Variants in ZFHX3 observed in about 807,000 individuals in gnomAD.
ZFHX3 encodes the protein zinc finger homeobox protein 3.
ZFHX3 carries 42 observed loss-of-function variants against 279.1 expected under a neutral mutation model. The observed-to-expected ratio is 0.15, with a 90% CI of 0.12 to 0.19. The LOEUF (loss-of-function observed/expected upper bound fraction) is 0.19, where lower values mean the gene tolerates loss of function less well. Among genes scored for constraint, ZFHX3 ranks in the 10% least tolerant of loss-of-function variants. The pLI, the probability that ZFHX3 is intolerant of heterozygous loss-of-function variation, is 1.00. For synonymous variants in ZFHX3, 2,293 were observed against 1,957.8 expected (o/e 1.17, Z -4.52); for missense variants, 4,981 against 4,754.0 (o/e 1.05, Z -1.40).
chr16:73,324,276 G>C (rs983668969), intron 3 of ZFHX3, among the ~76,000 whole-genome samples: 2 of 152,162 alleles, frequency 1.3e-5, no homozygotes, highest in Non-Finnish European at 2.9e-5. Context: ...GAGGTGAAGA[G>C]GCTTGGCTCA....
In ZFHX3 at chr16:72,787,526, C is replaced by A. The variant is rs769841511; in HGVS notation, c.10750G>T (p.Ala3584Ser). Reference sequence around the variant, plus strand: ...TGAGCGGCAGACTGCGAGGTAGATGCGGTGCTAGGATCGGGGAAGCAGGCA... The same window carrying A: ...TGAGCGGCAGACTGCGAGGTAGATGAGGTGCTAGGATCGGGGAAGCAGGCA... ...HSACFPDPSTASTSQSAAHSN... is the reference protein window; with the variant it reads ...HSACFPDPSTSSTSQSAAHSN... The change falls in exon 10 of 10, where the codon GCA becomes TCA. Residue 3584 changes from alanine to serine, a missense_variant. By Grantham distance (99) the Ala-to-Ser change is moderately conservative (BLOSUM62 1). This residue lies in a region of ZFHX3 where 1,034 missense variants were observed against 786.0 expected (regional missense o/e 1.32). Coordinates refer to ENST00000268489, the MANE Select transcript of ZFHX3 (RefSeq NM_006885.4). The A allele has an allele frequency of 8.1e-6, 13 of 1,613,774 alleles. No homozygotes were observed. Among genetic ancestry groups the A allele is most frequent in the Non-Finnish European group, 1.0e-5 (12 of 1,179,954 alleles).
intron 5 of ZFHX3, among the ~76,000 whole-genome samples, chr16:73,166,195 A>G (rs927820481): frequency 1.3e-5 from 2 of 152,146 alleles, no homozygotes; most frequent in African/African-American, 4.8e-5. Context: ...TGAGCCACCT[A>G]TTATAAAATA....
Position 72,943,022 on chromosome 16 carries a change from G to A in ZFHX3, c.3216+7447C>T, listed in dbSNP as rs112841632. ...CCAGTGTCTCCGAAGACAGTATTCC[G>A]TAAATATGTTCTGATTTACCTAAAT... On this transcript the variant is annotated intron_variant, in intron 3 of 9. Coordinates refer to ENST00000268489, the MANE Select transcript of ZFHX3 (RefSeq NM_006885.4). 3.7e-3 allele frequency among the ~76,000 whole-genome samples: 565 copies of A among 152,236 alleles called. 2 individuals carry two copies. The highest frequency in any genetic ancestry group is 0.027 in the Middle Eastern group (8 of 292).
At chr16:73,873,681 A>G (rs756090805) in intron 1 of ZFHX3, among the ~76,000 whole-genome samples, 2 of 152,250 alleles carry the variant, frequency 1.3e-5, no homozygotes, top group African/African-American at 2.4e-5. Flanking sequence ...AGTTAAATAT[A>G]CATGGAAATT....
At chr16:72,928,391 T>C (rs1157428382) in intron 3 of ZFHX3, among the ~76,000 whole-genome samples, 1 of 151,944 alleles carries the variant, frequency 6.6e-6, no homozygotes, top group Non-Finnish European at 1.5e-5. Flanking sequence ...TGTCCATGCA[T>C]CCAGGACTGG....
chr16:73,845,421 C>T (rs1247262780), intron 1 of ZFHX3, among the ~76,000 whole-genome samples: 2 of 152,112 alleles, frequency 1.3e-5, no homozygotes, highest in South Asian at 2.1e-4. Context: ...AGACCAGCCC[C>T]GTGCACTTAG....
chr16:72,884,330 A>T (rs1351709344), intron 4 of ZFHX3, among the ~76,000 whole-genome samples: 1 of 152,204 alleles, frequency 6.6e-6, no homozygotes, highest in Admixed American at 6.5e-5. Context: ...AAGGGAGGAT[A>T]CTGCTTTTTG....
intron 2 of ZFHX3, among the ~76,000 whole-genome samples, chr16:73,473,339 C>CAAAAAAA (rs11347779): frequency 4.2e-3 from 323 of 76,562 alleles, no homozygotes; most frequent in African/African-American, 7.2e-3. Flanking sequence ...TGTCTCAAAG[C>CAAAAAAA]AAAAAAAAAA....
chr16:73,810,714 G>A (rs1027616333), intron 1 of ZFHX3, among the ~76,000 whole-genome samples: 1 of 152,068 alleles, frequency 6.6e-6, no homozygotes, highest in Non-Finnish European at 1.5e-5. Flanking sequence ...AAATGGAAGA[G>A]CTTGAACTAT....
chr16:73,779,279 T>C (rs188728779), intron 1 of ZFHX3, among the ~76,000 whole-genome samples: 55 of 152,280 alleles, frequency 3.6e-4, no homozygotes, highest in African/African-American at 1.3e-3. Context: ...GTAAATACAA[T>C]AATGCTATGT....
rs181676826 is a variant in ZFHX3 at position 72,794,066 on chromosome 16, G to A, written c.8616C>T (p.Asn2872=). 5.3e-5 allele frequency: 85 copies of A among 1,614,186 alleles called. No homozygotes were observed. The highest frequency in any genetic ancestry group is 9.3e-5 in the African/African-American group (7 of 75,046). The stretch of plus-strand genomic sequence containing the variant: ...TCATGGCCGCTTTGGTCAACCCTTC[G>A]TTGGGTGCAGAAGAGGATTTGGTTT... ...ATETKSSSAP[N]EGLTKAAMMA... is the part of the protein sequence containing the mutation. Residue 2872 remains asparagine, a synonymous_variant, in exon 9 of 10, where the codon AAC becomes AAT. Coordinates refer to ENST00000268489, the MANE Select transcript of ZFHX3 (RefSeq NM_006885.4). The surrounding 1 kb of genome is among the most constrained non-coding windows in gnomAD (Gnocchi z 4.2).
At chr16:73,410,011 G>A (rs2017435440) in intron 3 of ZFHX3, among the ~76,000 whole-genome samples, 1 of 152,148 alleles carries the variant, frequency 6.6e-6, no homozygotes, top group Non-Finnish European at 1.5e-5. Context: ...CAGGTGGGAA[G>A]TGGGGATGGT....
chr16:73,578,692 A>G (rs1429907879), intron 2 of ZFHX3, among the ~76,000 whole-genome samples: 2 of 152,146 alleles, frequency 1.3e-5, no homozygotes, highest in East Asian at 3.9e-4. Context: ...TTCCCACTCT[A>G]CTCGTTTTGA....
At chr16:73,484,729 C>G (rs1247969855) in intron 2 of ZFHX3, among the ~76,000 whole-genome samples, 3 of 152,194 alleles carry the variant, frequency 2.0e-5, no homozygotes, top group African/African-American at 7.2e-5. Flanking sequence ...GTTTTAGCAT[C>G]TGTTGGTTTG....
At chr16:73,338,803 G>T (rs1328826891) in intron 3 of ZFHX3, among the ~76,000 whole-genome samples, 2 of 152,188 alleles carry the variant, frequency 1.3e-5, no homozygotes, top group African/African-American at 4.8e-5. Flanking sequence ...GGGGCCTGGT[G>T]GAGATGAGTG....
chr16:73,888,087 C>T (rs2030407809), intron 1 of ZFHX3, among the ~76,000 whole-genome samples: 1 of 152,150 alleles, frequency 6.6e-6, no homozygotes, highest in Non-Finnish European at 1.5e-5. Context: ...CTCCGTCTTC[C>T]TCTCCCTACC....
rs186065454 is a variant in ZFHX3, at chr16:73,821,535, C to T, written c.-1608+70116G>A. Among the ~76,000 whole-genome samples, 6 of 152,312 alleles carry T rather than the reference C, an allele frequency of 3.9e-5. No homozygotes were observed. In the East Asian group the frequency reaches 1.2e-3, roughly 29 times the overall value. ...GCTGTAAACTGGGAATTACCCCTAC[C>T]CCTCAGGACTGTTATGACAACTTGA... On this transcript the variant is annotated intron_variant, in intron 1 of 17. Transcript: ENST00000641206.
chr16:73,286,844 CGGTGTGTG>C (rs1451485648), intron 4 of ZFHX3, among the ~76,000 whole-genome samples: 3 of 61,778 alleles, frequency 4.9e-5, no homozygotes, highest in African/African-American at 6.7e-5. Flanking sequence ...GCTGGTGAGT[CGGTGTGTG>C]GGTGTGTGGT....
chr16:73,422,640 G>T (rs1056359022), intron 3 of ZFHX3, among the ~76,000 whole-genome samples: 8 of 152,084 alleles, frequency 5.3e-5, no homozygotes, highest in African/African-American at 1.9e-4. Flanking sequence ...CTGCCCAAAG[G>T]GTCAAATTTC....
Sources: allele counts gnomAD v4.1 joint callset (sites outside exome capture counted in the v4.1 genomes callset), GRCh38; gene constraint gnomAD v4.1.1; regional missense constraint gnomAD v4.1.1; non-coding constraint Gnocchi (gnomAD v3.1); transcripts MANE v1.5; gene names NCBI Gene and HGNC (gene_info 2026-07-23, HGNC 2026-07-21).